The following RBPMS variants were observed in gnomAD, a reference collection of about 807,000 sequenced individuals.
The protein encoded by RBPMS is RNA binding protein, mRNA processing factor, also known as RNA-binding protein with multiple splicing.
In RBPMS, 7 loss-of-function variants were observed where a neutral mutation model predicts 26.8. That is an observed-to-expected ratio of 0.26 (90% CI 0.15 to 0.49). The LOEUF (loss-of-function observed/expected upper bound fraction) is 0.49, where lower values mean the gene tolerates loss of function less well. Among genes scored for constraint, RBPMS ranks in the 20% least tolerant of loss-of-function variants. The pLI is 0.98. For missense variants in RBPMS, 186 were observed against 250.0 expected, an observed-to-expected ratio of 0.74 and a Z score of 1.73; for synonymous variants, 96 against 93.3, an observed-to-expected ratio of 1.03 and a Z score of -0.17.
chr8:30,416,513 C>A (rs935243909), intron 1 of RBPMS, among the ~76,000 whole-genome samples: 2 of 151,960 alleles, frequency 1.3e-5, no homozygotes, highest in Non-Finnish European at 2.9e-5. Flanking sequence ...GATGGAGTCT[C>A]GCTCTGTTGC....
At chr8:30,385,915 T>C (rs1288885035) in intron 1 of RBPMS, among the ~76,000 whole-genome samples, 1 of 152,136 alleles carries the variant, frequency 6.6e-6, no homozygotes, top group African/African-American at 2.4e-5. Context: ...GGAAACAAAA[T>C]TGAGTAGATG....
intron 1 of RBPMS, among the ~76,000 whole-genome samples, chr8:30,450,070 G>A (rs1373953131): frequency 6.6e-6 from 1 of 152,210 alleles, no homozygotes; most frequent in Non-Finnish European, 1.5e-5. Context: ...TGGAAGGCAG[G>A]TTGCCGCATT....
At chr8:30,411,300 CTTCTGGAGA>C (rs1300223311) in intron 1 of RBPMS, among the ~76,000 whole-genome samples, 5 of 152,114 alleles carry the variant, frequency 3.3e-5, no homozygotes, top group Non-Finnish European at 5.9e-5. Flanking sequence ...GGATTGGAAT[CTTCTGGAGA>C]TTCTGTGGGA....
chr8:30,408,957 C>A (rs186417693), intron 1 of RBPMS, among the ~76,000 whole-genome samples: 1 of 152,124 alleles, frequency 6.6e-6, no homozygotes, highest in Admixed American at 6.5e-5. Context: ...GATACAAGAT[C>A]GGTCTTTTGG....
At chr8:30,510,288 A>G (rs1156375870) in intron 5 of RBPMS, among the ~76,000 whole-genome samples, 1 of 152,160 alleles carries the variant, frequency 6.6e-6, no homozygotes, top group Non-Finnish European at 1.5e-5. Context: ...ATTTGATTGA[A>G]TGATTCATAG....
chr8:30,462,621 A>G (rs1181906034), intron 1 of RBPMS, among the ~76,000 whole-genome samples: 1 of 151,996 alleles, frequency 6.6e-6, no homozygotes, highest in South Asian at 2.1e-4. Flanking sequence ...AGGTTTCACC[A>G]TGCACCATGT....
chr8:30,494,523 C>G (rs1426479588), intron 4 of RBPMS, among the ~76,000 whole-genome samples: 1 of 152,190 alleles, frequency 6.6e-6, no homozygotes, highest in Admixed American at 6.5e-5. Context: ...GACTGAGACA[C>G]AGAAAGGTTA....
chr8:30,445,672 A>ATATATATATATATATATATATG (rs1162798264), intron 1 of RBPMS, among the ~76,000 whole-genome samples: 2 of 135,890 alleles, frequency 1.5e-5, no homozygotes, highest in African/African-American at 5.4e-5. Flanking sequence ...ATATATATAT[A>ATATATATATATATATATATATG]TATGTATTTT....
intron 5 of RBPMS, among the ~76,000 whole-genome samples, chr8:30,511,849 T>C (rs935890852): frequency 6.6e-6 from 1 of 152,022 alleles, no homozygotes; most frequent in African/African-American, 2.4e-5. Context: ...TTCAGTATAA[T>C]TCAGTAGCAT....
rs1818051161 is a variant in RBPMS, at chr8:30,479,486, A to C, written c.246+109A>C. On this transcript the variant is annotated intron_variant, in intron 4 of 8. Coordinates refer to ENST00000397323, the MANE Select transcript of RBPMS (RefSeq NM_001008710.3). The stretch of plus-strand genomic sequence containing the variant: ...GGAAAGAATATGACTGCACAGTCTA[A>C]GAGGGAGGGATTCATCAATTTAATT... 3 of 806,326 alleles carry C rather than the reference A, an allele frequency of 3.7e-6. No homozygotes were observed. In the East Asian group the frequency reaches 7.7e-5, roughly 21 times the overall value. The allele number at this position is 806,326 out of a possible 1,614,324, so 49.9% of individuals were successfully genotyped here.
chr8:30,516,767 G>A (rs937307668), intron 5 of RBPMS, among the ~76,000 whole-genome samples: 11 of 152,120 alleles, frequency 7.2e-5, no homozygotes, highest in African/African-American at 1.7e-4. Context: ...AGTGGCATAC[G>A]CCTGTAGTCC....
In RBPMS at chr8:30,571,539, C is replaced by CTCATGTCT. The variant is rs1174801654; in HGVS notation, c.*1015_*1022dup. The CTCATGTCT allele has an allele frequency of 1.3e-5, 2 of 152,268 alleles. No individual in the cohort carries two copies. Among genetic ancestry groups the CTCATGTCT allele is most frequent in the African/African-American group, 4.8e-5 (2 of 41,460 alleles). 9.4% of individuals were successfully genotyped at this position (152,268 alleles called of 1,614,324 possible). A position where few individuals can be genotyped will look rare whatever the true frequency, so the allele number is the denominator to read the frequency against. ...CAGCCCACCTGGCTGCAGTGGGCAG[C>CTCATGTCT]TCATGTCTGTATCTCCAAAGTGATG... On this transcript the variant is annotated 3_prime_UTR_variant, in exon 9 of 9. Coordinates refer to ENST00000397323, the MANE Select transcript of RBPMS (RefSeq NM_001008710.3).
chr8:30,434,800 C>CACAT lies in RBPMS; in HGVS notation c.67-39978_67-39977insCATA, dbSNP rs973204716. On this transcript the variant is annotated intron_variant, in intron 1 of 8. Transcript: ENST00000397323. ...TAACACACACACACACACACACACA[C>CACAT]ATTTAGTTCTCAAGAATAGTTTTCT... is the stretch of plus-strand genomic sequence containing the variant. 3.3e-5 allele frequency among the ~76,000 whole-genome samples: 5 copies of CACAT among 151,388 alleles called. No homozygotes were observed. The East Asian group carries it at 9.7e-4, about 29-fold the overall frequency.
chr8:30,417,973 G>A (rs761034966), intron 1 of RBPMS, among the ~76,000 whole-genome samples: 2 of 152,132 alleles, frequency 1.3e-5, no homozygotes, highest in Non-Finnish European at 2.9e-5. Context: ...GTTACCATAC[G>A]TAACACATAG....
At chr8:30,547,962 G>C (rs1032194849) in intron 6 of RBPMS, among the ~76,000 whole-genome samples, 3 of 152,174 alleles carry the variant, frequency 2.0e-5, no homozygotes, top group Non-Finnish European at 4.4e-5. Flanking sequence ...AGATTTCCCA[G>C]CTCTAAAGTA....
At chr8:30,522,759 G>A (rs909535205) in intron 5 of RBPMS, among the ~76,000 whole-genome samples, 8 of 152,020 alleles carry the variant, frequency 5.3e-5, no homozygotes, top group Admixed American at 3.3e-4. Context: ...TCTCAATTAG[G>A]TGATTTTTAA....
At chr8:30,522,384 A>G (rs1585752810) in intron 5 of RBPMS, among the ~76,000 whole-genome samples, 1 of 152,128 alleles carries the variant, frequency 6.6e-6, no homozygotes, top group East Asian at 1.9e-4. Flanking sequence ...GGATCATGCC[A>G]GTGATCTCAA....
chr8:30,474,119 A>G (rs915646000), intron 1 of RBPMS, among the ~76,000 whole-genome samples: 13 of 152,064 alleles, frequency 8.5e-5, no homozygotes, highest in Non-Finnish European at 1.6e-4. Flanking sequence ...CAAAAATGCA[A>G]TGGGAACAAT....
intron 1 of RBPMS, among the ~76,000 whole-genome samples, chr8:30,458,667 C>T (rs1206659422): frequency 2.0e-5 from 3 of 152,140 alleles, no homozygotes; most frequent in Non-Finnish European, 2.9e-5. Context: ...AGTCCATTTC[C>T]CTTGTTTTGC....
Sources: allele counts gnomAD v4.1 joint callset (sites outside exome capture counted in the v4.1 genomes callset), GRCh38; gene constraint gnomAD v4.1.1; transcripts MANE v1.5; gene names NCBI Gene and HGNC (gene_info 2026-07-23, HGNC 2026-07-21).